ST7L: variants seen among roughly 807,000 people sequenced by gnomAD.
ST7L encodes suppression of tumorigenicity 7 like.
Under a neutral mutation model 72.5 loss-of-function variants are expected in ST7L, and 57 were observed. That is an observed-to-expected ratio of 0.79 (90% CI 0.64 to 0.98). The LOEUF is 0.98. Ranked by LOEUF, ST7L falls within the 50% of genes least tolerant of loss-of-function variation. ST7L has a pLI of 0.00. For synonymous variants in ST7L, 221 were observed against 240.9 expected, an observed-to-expected ratio of 0.92 and a Z score of 0.77; for missense variants, 576 against 672.2, an observed-to-expected ratio of 0.86 and a Z score of 1.58.
chr1:112,527,878 A>T (rs1339281534), intron 14 of ST7L: 1 of 152,258 alleles, frequency 6.6e-6, no homozygotes, highest in Admixed American at 6.5e-5. Flanking sequence ...AAGTAAAAGG[A>T]AACAGTAAGG....
rs760889172 is a variant in ST7L, at chr1:112,598,050, G to C, written c.543C>G (p.Tyr181Ter). 6.2e-7 allele frequency: 1 copy of C among 1,613,078 alleles called. No homozygotes were observed. The highest frequency in any genetic ancestry group is 1.3e-5 in the African/African-American group (1 of 74,890). Residue 181 changes from tyrosine to a stop codon, truncating the protein, a stop_gained, in exon 5 of 15, where the codon TAC (tyrosine) becomes TAG (stop). Transcript: ENST00000358039. LOFTEE classifies it high-confidence loss of function. ...CCTGAGCTGACAGGTTCATGTCATA[G>C]TATGTAAGTGGCTCTTTACCAGTCA... ...TWVTGKEPLT[Y>*]YDMNLSAQDH... is the part of the protein sequence containing the mutation.
At chr1:112,617,900 A>C in intron 1 of ST7L, 1 of 908,050 alleles carries the variant, frequency 1.1e-6, no homozygotes, top group Non-Finnish European at 1.5e-6. Context: ...CCTGTTACAG[A>C]GATGCCAAAT....
At chr1:112,543,140 C>T (rs1368341054) in intron 13 of ST7L, among the ~76,000 whole-genome samples, 2 of 152,172 alleles carry the variant, frequency 1.3e-5, no homozygotes, top group African/African-American at 4.8e-5. Context: ...AGCTCAAAGA[C>T]TAGTATGGAG....
chr1:112,608,304 C>T (rs1038788783), intron 3 of ST7L, among the ~76,000 whole-genome samples: 1 of 152,166 alleles, frequency 6.6e-6, no homozygotes, highest in East Asian at 1.9e-4. Flanking sequence ...TAGGTTTGGG[C>T]CACTGTGCCC....
intron 11 of ST7L, among the ~76,000 whole-genome samples, chr1:112,568,868 AT>A (rs1339030086): frequency 1.1e-4 from 10 of 91,250 alleles, no homozygotes; most frequent in South Asian, 2.7e-4. Flanking sequence ...ATAAATATAT[AT>A]ATATATATAT....
chr1:112,564,643 C>T (rs1270518200), intron 11 of ST7L, among the ~76,000 whole-genome samples: 1 of 151,882 alleles, frequency 6.6e-6, no homozygotes. Context: ...ATGGTGAAAC[C>T]CTGCCTCTAC....
intron 11 of ST7L, among the ~76,000 whole-genome samples, chr1:112,565,350 C>T (rs1571050846): frequency 1.3e-5 from 2 of 150,266 alleles, no homozygotes; most frequent in East Asian, 2.0e-4. Context: ...GGATTGCAGG[C>T]GTGAGCCACC....
chr1:112,566,082 C>CA (rs1660970204), intron 11 of ST7L, among the ~76,000 whole-genome samples: 1 of 151,790 alleles, frequency 6.6e-6, no homozygotes, highest in Non-Finnish European at 1.5e-5. Flanking sequence ...GACACTCAGA[C>CA]ACTGTGTTAA....
intron 3 of ST7L, chr1:112,607,097 T>G (rs1410295133): frequency 6.6e-6 from 1 of 152,244 alleles, no homozygotes. Flanking sequence ...ACAAAGGCTC[T>G]TTGAGGTCCT....
intron 11 of ST7L, among the ~76,000 whole-genome samples, chr1:112,561,378 CAAAAAAAA>C (rs33953697): frequency 1.1e-5 from 1 of 90,574 alleles, no homozygotes; most frequent in Non-Finnish European, 2.3e-5. Flanking sequence ...CTCCCTGCCT[CAAAAAAAA>C]AAAAAAAAAA....
At chr1:112,619,649 G>C, upstream of ST7L, 1 of 591,682 alleles carries the variant, frequency 1.7e-6, no homozygotes, top group South Asian at 2.0e-5. Flanking sequence ...ATCACCTAAG[G>C]CAAACCCTAC....
At chr1:112,528,009 T>A (rs1474378330) in intron 14 of ST7L, 2 of 152,190 alleles carry the variant, frequency 1.3e-5, no homozygotes, top group African/African-American at 4.8e-5. Flanking sequence ...TAATTATGCT[T>A]ACTGGGTGAC....
At chr1:112,609,335 C>G (rs1049137862) in intron 3 of ST7L, among the ~76,000 whole-genome samples, 2 of 151,814 alleles carry the variant, frequency 1.3e-5, no homozygotes. Context: ...AGTTCAAGAC[C>G]AGCCTGGCCA....
chr1:112,594,015 G>T (rs922732091), intron 5 of ST7L, among the ~76,000 whole-genome samples: 1 of 152,092 alleles, frequency 6.6e-6, no homozygotes, highest in African/African-American at 2.4e-5. Flanking sequence ...CACCTCTAGA[G>T]AAGTACATAA....
rs1490790522 is a variant in ST7L at position 112,579,927 on chromosome 1, T to G, written c.1070-1510A>C. ...CCCTAAGCTTGCTCATCATAAGTAT[T>G]ATAAGCAGGCCATGTATCCAGTAAG... On this transcript the variant is annotated intron_variant, in intron 9 of 14. Coordinates refer to ENST00000358039, the MANE Select transcript of ST7L (RefSeq NM_017744.5). Among the ~76,000 whole-genome samples, 5 of 152,218 alleles carry G rather than the reference T, an allele frequency of 3.3e-5. No homozygotes were observed. The East Asian group carries it at 9.6e-4, about 29-fold the overall frequency.
chr1:112,518,875 T>C (rs1021401354), downstream of ST7L, among the ~76,000 whole-genome samples: 2 of 152,248 alleles, frequency 1.3e-5, no homozygotes, highest in Admixed American at 1.3e-4. Context: ...TCTGTGATGA[T>C]AGAAATGTTT....
intron 6 of ST7L, among the ~76,000 whole-genome samples, chr1:112,588,440 TG>T: frequency 6.6e-6 from 1 of 152,346 alleles, no homozygotes; most frequent in East Asian, 1.9e-4. Flanking sequence ...CAGACGTTCT[TG>T]AGGAAGTTTC....
rs1471169584 is a variant in ST7L, at chr1:112,524,818, A to C, written c.*1195T>G. On this transcript the variant is annotated 3_prime_UTR_variant, in exon 15 of 15. Transcript: ENST00000358039. ...GAGAACTTCTCTCAGGCTGCATAGG[A>C]GTTCTGCTCATCCTCCTCTCCCCAA... The C allele has an allele frequency of 6.6e-6, 1 of 152,142 alleles. No homozygotes were observed. 9.4% of individuals were successfully genotyped at this position (152,142 alleles called of 1,614,324 possible). A position where few individuals can be genotyped will look rare whatever the true frequency, so the allele number is the denominator to read the frequency against.
In ST7L at chr1:112,526,066, C is replaced by G; in HGVS notation, c.1675G>C (p.Glu559Gln). 6.2e-7 allele frequency: 1 copy of G among 1,614,204 alleles called. No individual in the cohort carries two copies. Among genetic ancestry groups the G allele is most frequent in the Non-Finnish European group, 8.5e-7 (1 of 1,180,034 alleles). Residue 559 changes from glutamate to glutamine, a missense_variant, in exon 15 of 15, where the codon GAG (glutamate) becomes CAG (glutamine). By Grantham distance (29) the Glu-to-Gln change is conservative. Around this residue, in one of 3 missense-constraint regions of ST7L, gnomAD observed 511 missense variants for 600.7 expected, o/e 0.85. Coordinates refer to ENST00000358039, the MANE Select transcript of ST7L (RefSeq NM_017744.5). ...CPQPWASSGF[E>Q]ENTQDLKSED... is the part of the protein sequence containing the mutation. ...GACTTCAAATCCTGTGTATTCTCCT[C>G]AAAGCCTGAGGATGCCCAGGGTTGG... is the stretch of plus-strand genomic sequence containing the variant.
Sources: gnomAD v4.1 joint callset for allele counts (sites outside exome capture counted in the v4.1 genomes callset) on GRCh38, gnomAD v4.1.1 for gene constraint, gnomAD v4.1.1 regional missense constraint, MANE v1.5 for transcripts, NCBI Gene and HGNC (gene_info 2026-07-23, HGNC 2026-07-21) for gene names.